Variants in MYZAP observed in about 807,000 individuals in gnomAD.
MYZAP encodes myocardial zonula adherens protein.
Under a neutral mutation model 69.4 loss-of-function variants are expected in MYZAP, and 66 were observed. The ratio of observed to expected loss-of-function variants is 0.95; its 90% CI spans 0.78 to 1.17. The LOEUF (loss-of-function observed/expected upper bound fraction) is 1.17. MYZAP is among the 50% of genes most tolerant of loss of function. The probability of loss-of-function intolerance (pLI) is 0.00; values close to 1 mark genes in which losing one functional copy is unlikely to be tolerated. For synonymous variants in MYZAP, 256 were observed against 205.9 expected, an observed-to-expected ratio of 1.24 and a Z score of -2.09; for missense variants, 611 against 556.2, an observed-to-expected ratio of 1.10 and a Z score of -0.99.
At chr15:57,667,877 C>A (rs1225416937) in intron 11 of MYZAP, among the ~76,000 whole-genome samples, 1 of 152,186 alleles carries the variant, frequency 6.6e-6, no homozygotes, top group African/African-American at 2.4e-5. Flanking sequence ...GAATTTCTAT[C>A]ACCCCACCAA....
At chr15:57,600,922 T>TA (rs1259510072) in intron 1 of MYZAP, among the ~76,000 whole-genome samples, 4 of 151,714 alleles carry the variant, frequency 2.6e-5, no homozygotes, top group Non-Finnish European at 5.9e-5. Context: ...CTACAAAAAA[T>TA]AAAAAATTAG....
intron 11 of MYZAP, among the ~76,000 whole-genome samples, chr15:57,673,520 AT>A (rs1278229316): frequency 3.9e-5 from 3 of 77,868 alleles, no homozygotes; most frequent in African/African-American, 1.4e-4. Context: ...GTGTGTGTGA[AT>A]GCTGATGACT....
At chr15:57,609,990 A>G (rs146305099) in intron 2 of MYZAP, among the ~76,000 whole-genome samples, 109 of 152,316 alleles carry the variant, frequency 7.2e-4, no homozygotes, top group African/African-American at 2.6e-3. Flanking sequence ...TTGCAGACTT[A>G]GCATATTGAA....
chr15:57,613,415 G>A (rs2934430), intron 2 of MYZAP, among the ~76,000 whole-genome samples: 13 of 151,964 alleles, frequency 8.6e-5, no homozygotes, highest in African/African-American at 3.1e-4. Flanking sequence ...CTGTCGCCCA[G>A]GCTGGAGTAT....
intron 11 of MYZAP, among the ~76,000 whole-genome samples, chr15:57,665,276 G>A (rs1189458712): frequency 1.3e-5 from 2 of 152,222 alleles, no homozygotes. Context: ...GGTGAGGCTG[G>A]ACGTGAGTCT....
chr15:57,616,415 G>A (rs2451185), intron 2 of MYZAP, among the ~76,000 whole-genome samples: 4 of 152,134 alleles, frequency 2.6e-5, no homozygotes, highest in East Asian at 1.9e-4. Flanking sequence ...CGAGGTGGGC[G>A]GATCACAAGG....
intron 12 of MYZAP, 56 bp downstream of exon 12, chr15:57,675,124 A>G: frequency 6.8e-7 from 1 of 1,467,612 alleles, no homozygotes; most frequent in East Asian, 2.3e-5. Flanking sequence ...TGGCTGAAGA[A>G]AATACTTTAC....
At chr15:57,633,915 T>C (rs929189993) in intron 8 of MYZAP, among the ~76,000 whole-genome samples, 174 bp downstream of exon 8, 3 of 152,236 alleles carry the variant, frequency 2.0e-5, no homozygotes, top group African/African-American at 7.2e-5. Flanking sequence ...GTTCTCATTT[T>C]TCCCATGATA....
intron 10 of MYZAP, among the ~76,000 whole-genome samples, chr15:57,650,159 A>AT (rs2037656500): frequency 6.6e-6 from 1 of 151,994 alleles, no homozygotes; most frequent in African/African-American, 2.4e-5. Context: ...TGCCGTACTG[A>AT]TTTTTTTCAC....
intron 10 of MYZAP, among the ~76,000 whole-genome samples, chr15:57,661,144 T>C (rs2038279410): frequency 6.6e-6 from 1 of 152,180 alleles, no homozygotes; most frequent in Non-Finnish European, 1.5e-5. Context: ...GCAAAATCAG[T>C]GTGGAAATGT....
intron 10 of MYZAP, chr15:57,647,528 C>A: frequency 2.0e-6 from 2 of 985,390 alleles, no homozygotes; most frequent in Non-Finnish European, 2.4e-6. Context: ...AATGCAATGA[C>A]CTTTAGAGAA....
chr15:57,621,184 G>T (rs1442130502), intron 3 of MYZAP, among the ~76,000 whole-genome samples: 1 of 146,314 alleles, frequency 6.8e-6, no homozygotes, highest in Non-Finnish European at 1.5e-5. Flanking sequence ...TTATTTTTAT[G>T]TGGGGTCCTT....
chr15:57,630,594 A>T (rs565153993), intron 6 of MYZAP, among the ~76,000 whole-genome samples: 2 of 152,242 alleles, frequency 1.3e-5, no homozygotes, highest in South Asian at 4.1e-4. Context: ...GGAATGTCCC[A>T]TTTGGCCCCC....
intron 10 of MYZAP, chr15:57,646,453 A>T: frequency 9.6e-7 from 1 of 1,043,038 alleles, no homozygotes; most frequent in Non-Finnish European, 1.2e-6. Flanking sequence ...ATTTTTAGGA[A>T]CTTGAGTAGA....
chr15:57,608,791 C>T (rs1053860893), intron 2 of MYZAP, among the ~76,000 whole-genome samples: 5 of 152,192 alleles, frequency 3.3e-5, no homozygotes, highest in African/African-American at 1.2e-4. Flanking sequence ...AGTTATTCTC[C>T]TGCCTGAAGC....
chr15:57,604,132 T>A (rs2140334057), intron 1 of MYZAP, 137 bp from the exon 2 acceptor site: 1 of 920,098 alleles, frequency 1.1e-6, no homozygotes, highest in East Asian at 2.5e-5. Context: ...CCTTATCTCC[T>A]CTATGGCTCC....
chr15:57,619,275 C>G (rs1177640485), intron 3 of MYZAP, among the ~76,000 whole-genome samples: 1 of 152,210 alleles, frequency 6.6e-6, no homozygotes, highest in Non-Finnish European at 1.5e-5. Context: ...AATTAGCACG[C>G]ATATACATAA....
At chr15:57,641,832 C>G (rs1475024996) in intron 10 of MYZAP, among the ~76,000 whole-genome samples, 1 of 152,062 alleles carries the variant, frequency 6.6e-6, no homozygotes, top group African/African-American at 2.4e-5. Flanking sequence ...GAAACATGGT[C>G]AAGGGGCATG....
At chr15:57,646,491 G>T in intron 10 of MYZAP, 1 of 1,030,526 alleles carries the variant, frequency 9.7e-7, no homozygotes, top group South Asian at 3.6e-5. Flanking sequence ...CAATGAAAAA[G>T]GCTACTGAAA....
Sources: allele counts gnomAD v4.1 joint callset (sites outside exome capture counted in the v4.1 genomes callset), GRCh38; gene constraint gnomAD v4.1.1; transcripts MANE v1.5; gene names NCBI Gene and HGNC (gene_info 2026-07-23, HGNC 2026-07-21).